KAZN: variants seen among roughly 807,000 people sequenced by gnomAD.
KAZN encodes kazrin.
A neutral mutation model predicts 87.4 loss-of-function variants in KAZN; 40 were observed. The ratio of observed to expected loss-of-function variants is 0.46; its 90% CI spans 0.36 to 0.60. KAZN has a LOEUF of 0.60. Among genes scored for constraint, KAZN ranks in the 20% least tolerant of loss-of-function variants. The pLI is 0.00. For synonymous variants in KAZN, 466 were observed against 458.3 expected (o/e 1.02, Z -0.22); for missense variants, 898 against 1,073.9 (o/e 0.84, Z 2.29).
intron 2 of KAZN, among the ~76,000 whole-genome samples, chr1:14,579,773 A>C (rs1176236705): frequency 6.6e-6 from 1 of 152,184 alleles, no homozygotes; most frequent in Non-Finnish European, 1.5e-5. Context: ...GCTGGGTAAG[A>C]AGCAGCATCC....
chr1:14,998,635 G>A (rs1317382173), intron 2 of KAZN, among the ~76,000 whole-genome samples: 1 of 152,102 alleles, frequency 6.6e-6, no homozygotes, highest in Admixed American at 6.5e-5. Flanking sequence ...GGCAACCTCT[G>A]CCTCCCGTGT....
chr1:14,366,825 T>A (rs1439497720), intron 2 of KAZN, among the ~76,000 whole-genome samples: 2 of 152,232 alleles, frequency 1.3e-5, no homozygotes, highest in African/African-American at 4.8e-5. Flanking sequence ...ATGGTCAGTG[T>A]GACAGCCTTT....
At chr1:14,604,108 C>T (rs1412115268) in intron 1 of KAZN, among the ~76,000 whole-genome samples, 1 of 152,056 alleles carries the variant, frequency 6.6e-6, no homozygotes, top group Non-Finnish European at 1.5e-5. Context: ...CTGCTGAGCC[C>T]AGAGAATGGG....
At chr1:15,048,440 A>G (rs199812939) in intron 4 of KAZN, among the ~76,000 whole-genome samples, 3 of 141,854 alleles carry the variant, frequency 2.1e-5, no homozygotes, top group Non-Finnish European at 3.0e-5. Context: ...GTGTGTGTGT[A>G]TGTGTAAAAT....
intron 2 of KAZN, among the ~76,000 whole-genome samples, chr1:14,535,749 G>T (rs1442491206): frequency 1.3e-5 from 2 of 152,180 alleles, no homozygotes; most frequent in East Asian, 3.8e-4. Context: ...ACTGACGGCT[G>T]CTCTTCCCTG....
At chr1:13,942,589 A>C in intron 1 of KAZN, among the ~76,000 whole-genome samples, 1 of 150,390 alleles carries the variant, frequency 6.6e-6, no homozygotes, top group Admixed American at 6.6e-5. Flanking sequence ...TATATAATTC[A>C]CCAACACCTC....
chr1:14,154,962 C>A (rs1645559267), intron 1 of KAZN, among the ~76,000 whole-genome samples: 1 of 149,026 alleles, frequency 6.7e-6, no homozygotes, highest in East Asian at 2.0e-4. Flanking sequence ...TTCTTCCTTC[C>A]TTCCTTCCTT....
At chr1:14,263,378 C>A (rs570956273) in intron 2 of KAZN, among the ~76,000 whole-genome samples, 1 of 152,286 alleles carries the variant, frequency 6.6e-6, no homozygotes, top group African/African-American at 2.4e-5. Flanking sequence ...AGATGGCAAG[C>A]TAAAATGTCA....
chr1:14,801,832 C>A (rs1034071947), intron 1 of KAZN, among the ~76,000 whole-genome samples: 15 of 150,462 alleles, frequency 1.0e-4, no homozygotes, highest in Non-Finnish European at 1.9e-4. Context: ...TACAGGCACC[C>A]GCCATCACGC....
intron 1 of KAZN, among the ~76,000 whole-genome samples, chr1:14,888,099 A>C (rs1240147530): frequency 2.0e-5 from 3 of 152,194 alleles, no homozygotes; most frequent in Non-Finnish European, 4.4e-5. Context: ...TTAATGAGAA[A>C]GGGAAATCAA....
chr1:14,355,410 ATTT>A (rs1658934120), intron 2 of KAZN, among the ~76,000 whole-genome samples: 1 of 145,986 alleles, frequency 6.8e-6, no homozygotes, highest in South Asian at 2.2e-4. Flanking sequence ...ATATTTATTT[ATTT>A]ATTTATTTAT....
At chr1:14,117,418 T>C (rs1302307470) in intron 1 of KAZN, among the ~76,000 whole-genome samples, 1 of 152,218 alleles carries the variant, frequency 6.6e-6, no homozygotes, top group Non-Finnish European at 1.5e-5. Flanking sequence ...ATGTGAGACA[T>C]GCCTTTCACC....
At chr1:15,003,707 G>A (rs745713176) in intron 2 of KAZN, among the ~76,000 whole-genome samples, 1 of 152,064 alleles carries the variant, frequency 6.6e-6, no homozygotes, top group Admixed American at 6.5e-5. Flanking sequence ...ATTGCCTTCG[G>A]GTCATCAGCT....
chr1:14,646,275 G>A (rs968454010), intron 1 of KAZN, among the ~76,000 whole-genome samples: 8 of 152,156 alleles, frequency 5.3e-5, no homozygotes, highest in Non-Finnish European at 1.0e-4. Context: ...GCTGGGTATC[G>A]TGGCTCATGC....
chr1:14,691,754 C>T (rs905765735), intron 1 of KAZN, among the ~76,000 whole-genome samples: 1 of 152,050 alleles, frequency 6.6e-6, no homozygotes. Flanking sequence ...CCCAGAGTGC[C>T]GTGATTACAG....
At chr1:13,970,869 A>C (rs112744208) in intron 1 of KAZN, among the ~76,000 whole-genome samples, 22 of 152,328 alleles carry the variant, frequency 1.4e-4, no homozygotes, top group African/African-American at 5.3e-4. Context: ...TGTCTAAGCC[A>C]ATCAAAATAC....
At position 14,420,179 on chromosome 1, in the gene KAZN, C is replaced by T. The variant is rs543916759; in HGVS notation, c.250-178804C>T. ...CCCACTAGAGAGGCTAGACACAGAG[C>T]GCTGATTGGTGCGTTTACAAACCTT... On this transcript the variant is annotated intron_variant, in intron 2 of 16. Coordinates refer to the KAZN transcript ENST00000636203. Among the ~76,000 whole-genome samples, 125 of 152,132 alleles carry T rather than the reference C, an allele frequency of 8.2e-4. 1 individual carries two copies. The highest frequency in any genetic ancestry group is 1.4e-3 in the Non-Finnish European group (98 of 67,998).
At chr1:15,097,017 G>A (rs1055998993) in intron 10 of KAZN, among the ~76,000 whole-genome samples, 3 of 152,192 alleles carry the variant, frequency 2.0e-5, no homozygotes, top group African/African-American at 7.2e-5. Context: ...CCTGGAGGAG[G>A]CAGAGGACTT....
chr1:14,943,006 T>TGG lies in KAZN; in HGVS notation c.227-17677_227-17676dup, dbSNP rs35224698. Among the ~76,000 whole-genome samples the TGG allele has an allele frequency of 1.0e-3, 102 of 101,696 alleles. 1 individual carries two copies. In the South Asian group the frequency reaches 0.027, roughly 27 times the overall value. The allele number at this position is 101,696 out of a possible 152,430, so 66.7% of individuals were successfully genotyped here. On this transcript the variant is annotated intron_variant, in intron 1 of 14. Transcript: ENST00000376030. Reference sequence around the variant, plus strand: ...GATGTGAGCTGCGTGTGTGTGTGTGTGGTGTGTGTGTGTGTGTGTGTGTGT... The same window carrying TGG: ...GATGTGAGCTGCGTGTGTGTGTGTGTGGGGTGTGTGTGTGTGTGTGTGTGTGT...
Sources: gnomAD v4.1 joint callset for allele counts (sites outside exome capture counted in the v4.1 genomes callset) on GRCh38, gnomAD v4.1.1 for gene constraint, MANE v1.5 for transcripts, NCBI Gene and HGNC (gene_info 2026-07-23, HGNC 2026-07-21) for gene names.